The following MEGF6 variants were observed in gnomAD, a reference collection of about 807,000 sequenced individuals.
MEGF6 encodes the protein multiple epidermal growth factor-like domains protein 6.
In MEGF6, 184 loss-of-function variants were observed where a neutral mutation model predicts 207.1. The ratio of observed to expected loss-of-function variants is 0.89; its 90% confidence interval spans 0.79 to 1.00. The LOEUF is 1.00. Ranked by LOEUF, MEGF6 falls within the 50% of genes least tolerant of loss-of-function variation. The pLI is 0.00. For synonymous variants in MEGF6, 1,038 were observed against 910.0 expected (o/e 1.14, Z -2.53); for missense variants, 2,282 against 2,202.9 (o/e 1.04, Z -0.72).
chr1:3,514,560 C>T lies in MEGF6; in HGVS notation c.843G>A (p.Lys281=), dbSNP rs1473332868. Residue 281 remains lysine, a synonymous_variant, in exon 7 of 37, where the codon AAG becomes AAA. Transcript: ENST00000356575. ...HVGYQLAADG[K]ACEDVDECAA... ...GGAGGGGCGTCCTACCTTCACAGGC[C>T]TTGCCGTCCGCTGCTAGCTGATAGC... The T allele has an allele frequency of 6.3e-7, 1 of 1,591,892 alleles. No individual in the cohort carries two copies. The highest frequency in any genetic ancestry group is 1.7e-5 in the Admixed American group (1 of 57,978).
At chr1:3,617,000 C>A in the MEGF6 span, among the ~76,000 whole-genome samples, 54,709 of 152,078 alleles carry the variant, frequency 0.36, 11,239 homozygotes, top group Non-Finnish European at 0.46. Flanking sequence ...TTCTGAGGAC[C>A]AGACAGTGGC....
chr1:3,592,558 A>T (rs1643996660), intron 3 of MEGF6, among the ~76,000 whole-genome samples: 1 of 152,188 alleles, frequency 6.6e-6, no homozygotes, highest in East Asian at 1.9e-4. Context: ...AACCCCCAGG[A>T]CTCGGCAGCA....
intron 30 of MEGF6, 91 bp from the exon 31 acceptor site, chr1:3,494,832 T>G: frequency 6.9e-7 from 1 of 1,447,026 alleles, no homozygotes; most frequent in African/African-American, 1.4e-5. Flanking sequence ...AGTCACTCGG[T>G]AAATGCTTCC....
intron 17 of MEGF6, among the ~76,000 whole-genome samples, chr1:3,504,867 C>A (rs114898915): frequency 7.4e-4 from 112 of 152,306 alleles, no homozygotes; most frequent in Middle Eastern, 3.4e-3. Flanking sequence ...CTGCCCCGGC[C>A]TCTGAGAGAA....
intron 4 of MEGF6, among the ~76,000 whole-genome samples, chr1:3,525,829 G>A (rs1387682190): frequency 6.6e-6 from 1 of 152,244 alleles, no homozygotes; most frequent in Non-Finnish European, 1.5e-5. Flanking sequence ...ATGGCTTCGG[G>A]CTGCCCAGCC....
chr1:3,569,122 C>A (rs1490624923), intron 4 of MEGF6, among the ~76,000 whole-genome samples: 3 of 152,214 alleles, frequency 2.0e-5, no homozygotes, highest in Non-Finnish European at 4.4e-5. Context: ...TCCGCCATAG[C>A]CACCTCCAGC....
At chr1:3,570,104 G>A (rs1379312147) in intron 4 of MEGF6, among the ~76,000 whole-genome samples, 1 of 152,228 alleles carries the variant, frequency 6.6e-6, no homozygotes, top group Non-Finnish European at 1.5e-5. Context: ...AGTCTCCCCA[G>A]CTGTCCTGTC....
Position 3,497,169 on chromosome 1 carries a change from A to G in MEGF6, c.3482-50T>C, listed in dbSNP as rs554533966. ...TCCTGGCCCAGCCCCGCCAAGGAAC[A>G]GGCAGCCTCTCTGGATTCCCCCTGC... On this transcript the variant is annotated intron_variant, in intron 27 of 36. Transcript: ENST00000356575. 7 of 1,543,240 alleles carry G rather than the reference A, an allele frequency of 4.5e-6. No homozygotes were observed. In the South Asian group the frequency reaches 8.6e-5, roughly 19 times the overall value.
chr1:3,572,032 C>G (rs1643514389), intron 4 of MEGF6, among the ~76,000 whole-genome samples: 1 of 135,860 alleles, frequency 7.4e-6, no homozygotes, highest in Non-Finnish European at 1.6e-5. Context: ...GTGCTAGGTC[C>G]TTCCCGGGTG....
intron 21 of MEGF6, 80 bp from the exon 22 acceptor site, chr1:3,500,004 C>A: frequency 1.4e-6 from 2 of 1,471,698 alleles, no homozygotes; most frequent in Non-Finnish European, 1.8e-6. Context: ...TGCCGCCATC[C>A]CCAGGACTGT....
At position 3,490,573 on chromosome 1, in the gene MEGF6, G is replaced by T; in HGVS notation, c.4581C>A (p.Ala1527=). The change falls in exon 37 of 37, where the codon GCC becomes GCA. Residue 1527 remains alanine, a synonymous_variant. Transcript: ENST00000356575. ...LAQGSAGTLP[A]SSRPTSRSGG... ...CGCTCCGGGATGTGGGTCTGCTGGAGGCGGGCAGTGTGCCCGCTGGGGAAA... is the reference window on the plus strand; with the variant it reads ...CGCTCCGGGATGTGGGTCTGCTGGATGCGGGCAGTGTGCCCGCTGGGGAAA... 6.2e-7 allele frequency: 1 copy of T among 1,613,464 alleles called. No individual in the cohort carries two copies. The highest frequency in any genetic ancestry group is 8.5e-7 in the Non-Finnish European group (1 of 1,179,910).
the MEGF6 span, among the ~76,000 whole-genome samples, chr1:3,616,664 G>T: frequency 6.6e-6 from 1 of 152,206 alleles, no homozygotes; most frequent in Non-Finnish European, 1.5e-5. Context: ...TGAGTCTATG[G>T]CCAGCCTTTG....
At chr1:3,601,076 C>T (rs974277853) in intron 2 of MEGF6, among the ~76,000 whole-genome samples, 4 of 152,198 alleles carry the variant, frequency 2.6e-5, no homozygotes, top group East Asian at 1.9e-4. Flanking sequence ...GCCCCCAGTG[C>T]CCTGCCAGGA....
At chr1:3,613,181 T>C (rs552558936), upstream of MEGF6, among the ~76,000 whole-genome samples, 8 of 152,114 alleles carry the variant, frequency 5.3e-5, no homozygotes, top group South Asian at 1.5e-3. Context: ...TCCTACGGGG[T>C]TCTCAATTCT....
chr1:3,546,583 GGC>G (rs1232461548), intron 4 of MEGF6, among the ~76,000 whole-genome samples: 1 of 151,186 alleles, frequency 6.6e-6, no homozygotes, highest in Non-Finnish European at 1.5e-5. Flanking sequence ...AGGCCGCTGA[GGC>G]GGGGTGGCAG....
chr1:3,596,682 C>CCG lies in MEGF6; in HGVS notation c.267-1236_267-1235insCG, dbSNP rs1644073306. ...CCCTGCGCCATCCCCTGCCCAGACC[C>CCG]TGTCTCCACCCCAGGGCACCCCGCG... is the stretch of plus-strand genomic sequence containing the variant. On this transcript the variant is annotated intron_variant, in intron 2 of 36. Transcript: ENST00000356575. Among the ~76,000 whole-genome samples the CCG allele has an allele frequency of 6.0e-5, 8 of 134,080 alleles. 2 individuals are homozygous for CCG. Among genetic ancestry groups the CCG allele is most frequent in the South Asian group, 2.5e-4 (1 of 3,970 alleles). The allele number at this position is 134,080 out of a possible 152,430, so 88.0% of individuals were successfully genotyped here.
chr1:3,593,616 T>C (rs868830880), intron 3 of MEGF6, among the ~76,000 whole-genome samples: 2 of 151,662 alleles, frequency 1.3e-5, no homozygotes, highest in African/African-American at 2.4e-5. Context: ...CTGCCTATTG[T>C]TTCCCCCCAT....
At chr1:3,585,309 G>T (rs1212113187) in intron 3 of MEGF6, among the ~76,000 whole-genome samples, 1 of 148,608 alleles carries the variant, frequency 6.7e-6, no homozygotes, top group Non-Finnish European at 1.5e-5. Context: ...GCGGACGCAT[G>T]TCCTGTGTGT....
At chr1:3,512,238 T>C (rs1641379646) in intron 7 of MEGF6, 110 bp from the exon 8 acceptor site, 2 of 1,396,364 alleles carry the variant, frequency 1.4e-6, no homozygotes, top group South Asian at 2.8e-5. Context: ...TGTGGCCGCA[T>C]GACACAGGCA....
Sources: gnomAD v4.1 joint callset for allele counts (sites outside exome capture counted in the v4.1 genomes callset) on GRCh38, gnomAD v4.1.1 for gene constraint, MANE v1.5 for transcripts, NCBI Gene and HGNC (gene_info 2026-07-23, HGNC 2026-07-21) for gene names.